The following NRXN3 variants were observed in gnomAD, a reference collection of about 807,000 sequenced individuals.
NRXN3 encodes the protein neurexin III.
NRXN3 carries 32 observed loss-of-function variants against 137.6 expected under a neutral mutation model. That is an observed-to-expected ratio of 0.23 (90% confidence interval 0.18 to 0.31). NRXN3 has a LOEUF of 0.31. Ranked by LOEUF, NRXN3 falls within the 10% of genes least tolerant of loss-of-function variation. The pLI, the probability that NRXN3 is intolerant of heterozygous loss-of-function variation, is 1.00. For synonymous variants in NRXN3, 798 were observed against 784.5 expected, an observed-to-expected ratio of 1.02 and a Z score of -0.29; for missense variants, 1,574 against 2,062.5, an observed-to-expected ratio of 0.76 and a Z score of 4.59.
At chr14:79,340,684 G>A (rs1041033573) in intron 15 of NRXN3, among the ~76,000 whole-genome samples, 3 of 152,112 alleles carry the variant, frequency 2.0e-5, no homozygotes, top group African/African-American at 4.8e-5. Context: ...GGCTGGTCTC[G>A]AATTCTCGAC....
At chr14:78,312,456 A>G (rs915444629) in intron 4 of NRXN3, among the ~76,000 whole-genome samples, 1 of 152,196 alleles carries the variant, frequency 6.6e-6, no homozygotes, top group African/African-American at 2.4e-5. Context: ...TGAGTGCAAT[A>G]AAGATGAGCT....
chr14:78,608,865 G>A (rs539071634), intron 4 of NRXN3, among the ~76,000 whole-genome samples: 22 of 152,320 alleles, frequency 1.4e-4, no homozygotes, highest in African/African-American at 4.8e-4. Context: ...GCTGCCTGGA[G>A]GAGAGGAAGC....
intron 19 of NRXN3, among the ~76,000 whole-genome samples, chr14:79,803,571 C>G (rs568065869): frequency 6.6e-6 from 1 of 152,144 alleles, no homozygotes; most frequent in African/African-American, 2.4e-5. Flanking sequence ...TTCATTTTAA[C>G]TTCATTACCT....
chr14:79,026,121 A>T (rs957968113), intron 15 of NRXN3, among the ~76,000 whole-genome samples: 1 of 152,154 alleles, frequency 6.6e-6, no homozygotes, highest in Non-Finnish European at 1.5e-5. Flanking sequence ...GACTGGAAAA[A>T]TGTGCTCAAG....
At chr14:78,260,082 A>G (rs951648455) in intron 2 of NRXN3, among the ~76,000 whole-genome samples, 7 of 152,184 alleles carry the variant, frequency 4.6e-5, no homozygotes, top group Non-Finnish European at 8.8e-5. Flanking sequence ...TCCAACAACA[A>G]TGCACACTAT....
At chr14:79,636,467 G>A (rs1344620973) in intron 16 of NRXN3, among the ~76,000 whole-genome samples, 1 of 152,130 alleles carries the variant, frequency 6.6e-6, no homozygotes, top group East Asian at 1.9e-4. Flanking sequence ...CCCATAAACT[G>A]TGATAATTTT....
intron 15 of NRXN3, among the ~76,000 whole-genome samples, chr14:79,354,317 C>T (rs2093341746): frequency 6.6e-6 from 1 of 152,066 alleles, no homozygotes. Flanking sequence ...CAATGATACT[C>T]AGCATTCAGT....
intron 15 of NRXN3, among the ~76,000 whole-genome samples, chr14:79,180,827 T>C (rs2062842347): frequency 6.6e-6 from 1 of 152,128 alleles, no homozygotes; most frequent in Non-Finnish European, 1.5e-5. Context: ...TCAGACCTAA[T>C]AATCTTTATG....
chr14:79,100,563 A>C (rs114021103), intron 15 of NRXN3, among the ~76,000 whole-genome samples: 6 of 152,348 alleles, frequency 3.9e-5, no homozygotes, highest in African/African-American at 1.4e-4. Context: ...TATCAGCTTT[A>C]CATCAAGAGT....
At chr14:79,157,926 TTGAC>T (rs1388506169) in intron 15 of NRXN3, among the ~76,000 whole-genome samples, 3 of 151,826 alleles carry the variant, frequency 2.0e-5, no homozygotes, top group African/African-American at 7.2e-5. Flanking sequence ...CATTTGAAAA[TTGAC>T]TGTTTGCATA....
chr14:78,399,176 T>C (rs1330918019), intron 4 of NRXN3, among the ~76,000 whole-genome samples: 1 of 152,214 alleles, frequency 6.6e-6, no homozygotes, highest in Non-Finnish European at 1.5e-5. Context: ...ATTCTTTAGA[T>C]CTCAAGGTCC....
At chr14:79,670,456 G>A (rs1403167686) in intron 17 of NRXN3, among the ~76,000 whole-genome samples, 2 of 152,042 alleles carry the variant, frequency 1.3e-5, no homozygotes, top group African/African-American at 2.4e-5. Context: ...CTGTCGAGAA[G>A]TTTCTCTATG....
At chr14:79,169,240 T>C (rs1186634063) in intron 15 of NRXN3, among the ~76,000 whole-genome samples, 4 of 152,116 alleles carry the variant, frequency 2.6e-5, no homozygotes, top group Admixed American at 1.3e-4. Flanking sequence ...GCTGTCAGAA[T>C]GCTACATGCT....
intron 9 of NRXN3, among the ~76,000 whole-genome samples, chr14:78,805,420 C>T (rs1298596755): frequency 3.3e-5 from 5 of 151,950 alleles, no homozygotes; most frequent in Admixed American, 6.6e-5. Flanking sequence ...CCAAAGCCTG[C>T]GGCCCGCATA....
chr14:79,193,151 A>T (rs375850239), intron 15 of NRXN3, among the ~76,000 whole-genome samples: 1 of 147,564 alleles, frequency 6.8e-6, no homozygotes, highest in Admixed American at 6.8e-5. Context: ...AAAAAAAAAA[A>T]TTGAAAAAAA....
At chr14:78,684,077 C>G (rs2098103314) in intron 6 of NRXN3, among the ~76,000 whole-genome samples, 1 of 152,074 alleles carries the variant, frequency 6.6e-6, no homozygotes, top group Non-Finnish European at 1.5e-5. Flanking sequence ...AAATCTTTGT[C>G]CCTTAGGCTT....
intron 16 of NRXN3, among the ~76,000 whole-genome samples, chr14:79,600,018 T>C (rs879658392): frequency 3.3e-5 from 5 of 152,030 alleles, no homozygotes; most frequent in Admixed American, 3.3e-4. Flanking sequence ...AATAAGTAAA[T>C]AAAAATAAAT....
intron 15 of NRXN3, among the ~76,000 whole-genome samples, chr14:79,251,513 G>A (rs2075927293): frequency 6.6e-6 from 1 of 152,110 alleles, no homozygotes; most frequent in Non-Finnish European, 1.5e-5. Flanking sequence ...AAAGTAATAA[G>A]GAAAATGATG....
chr14:79,194,970 T>C (rs74436273), intron 15 of NRXN3, among the ~76,000 whole-genome samples: 18 of 152,232 alleles, frequency 1.2e-4, no homozygotes, highest in African/African-American at 3.4e-4. Context: ...CTTTTTTTTT[T>C]CTCTGATATT....
Sources: gnomAD v4.1 joint callset for allele counts (sites outside exome capture counted in the v4.1 genomes callset) on GRCh38, gnomAD v4.1.1 for gene constraint, MANE v1.5 for transcripts, NCBI Gene and HGNC (gene_info 2026-07-23, HGNC 2026-07-21) for gene names.